The following CD1C variants were observed in gnomAD, a reference collection of about 807,000 sequenced individuals.
CD1C encodes T-cell surface glycoprotein CD1c.
CD1C carries 47 observed loss-of-function variants against 39.4 expected under a neutral mutation model. That is an observed-to-expected ratio of 1.19 (90% confidence interval 0.94 to 1.52). The LOEUF is 1.52. CD1C is among the 40% of genes most tolerant of loss of function. The pLI, the probability that CD1C is intolerant of heterozygous loss-of-function variation, is 0.00. For synonymous variants in CD1C, 165 were observed against 150.8 expected (o/e 1.09, Z -0.69); for missense variants, 417 against 395.2 (o/e 1.06, Z -0.47).
chr1:158,290,203 G>C, intron 1 of CD1C, 78 bp downstream of exon 1: 2 of 1,289,618 alleles, frequency 1.6e-6, no homozygotes, highest in East Asian at 2.3e-5. Flanking sequence ...TGGATCAATA[G>C]AGATGCCAGA....
Position 158,293,542 on chromosome 1 carries a change from G to A in CD1C, c.*66G>A, listed in dbSNP as rs755422244. 18 of 1,613,992 alleles carry A rather than the reference G, an allele frequency of 1.1e-5. No individual in the cohort carries two copies. Among genetic ancestry groups the A allele is most frequent in the Non-Finnish European group, 1.4e-5 (17 of 1,179,932 alleles). ...CAACCCAGGAGCCTAGTACAATATA[G>A]TGATGCCATCCCGTCGACTCTCCAT... is the stretch of plus-strand genomic sequence containing the variant. On this transcript the variant is annotated 3_prime_UTR_variant, in exon 6 of 6. Transcript: ENST00000368170.
chr1:158,290,449 G>C (rs1223387515), intron 1 of CD1C, among the ~76,000 whole-genome samples: 2 of 152,152 alleles, frequency 1.3e-5, no homozygotes, highest in Non-Finnish European at 2.9e-5. Flanking sequence ...GGTCCAGAGG[G>C]ATGAAGCAAC....
Position 158,289,984 on chromosome 1 carries a change from T to C in CD1C, c.-81T>C, listed in dbSNP as rs758578968. The C allele has an allele frequency of 2.3e-6, 3 of 1,286,684 alleles. No individual in the cohort carries two copies. Among genetic ancestry groups the C allele is most frequent in the African/African-American group, 2.9e-5 (2 of 68,512 alleles). The allele number at this position is 1,286,684 out of a possible 1,614,324, so 79.7% of individuals were successfully genotyped here. A position where few individuals can be genotyped will look rare whatever the true frequency, so the allele number is the denominator to read the frequency against. On this transcript the variant is annotated 5_prime_UTR_variant, in exon 1 of 6. Coordinates refer to ENST00000368170, the MANE Select transcript of CD1C (RefSeq NM_001765.3). ...GATTGTTGGTAGAAGGAAGTCAGAATATAGGTACAGAGGGATAAGTTTGCT... is the reference window on the plus strand; with the variant it reads ...GATTGTTGGTAGAAGGAAGTCAGAACATAGGTACAGAGGGATAAGTTTGCT...
chr1:158,293,646 C>T lies in CD1C; in HGVS notation c.*170C>T. ...TAATTTGGAATGTTTTTCTTGGAAT[C>T]TCCACTTTTTATATAGCACTCAACC... On this transcript the variant is annotated 3_prime_UTR_variant, in exon 6 of 6. Transcript: ENST00000368170. The T allele has an allele frequency of 6.6e-7, 1 of 1,510,874 alleles. No individual in the cohort carries two copies. Among genetic ancestry groups the T allele is most frequent in the Non-Finnish European group, 9.0e-7 (1 of 1,107,124 alleles). The allele number at this position is 1,510,874 out of a possible 1,614,324, so 93.6% of individuals were successfully genotyped here.
chr1:158,289,934 G>C lies in CD1C; in HGVS notation c.-131G>C. ...AGGTTGAGGGAAGCAGATCTTCTTA[G>C]TTGCTGTCAGCGGCTGATGGGGAAG... is the stretch of plus-strand genomic sequence containing the variant. On this transcript the variant is annotated 5_prime_UTR_variant, in exon 1 of 6. Coordinates refer to ENST00000368170, the MANE Select transcript of CD1C (RefSeq NM_001765.3). The C allele has an allele frequency of 1.4e-6, 1 of 737,072 alleles. No individual in the cohort carries two copies. The highest frequency in any genetic ancestry group is 2.3e-6 in the Non-Finnish European group (1 of 431,596). The allele number at this position is 737,072 out of a possible 1,614,324, so 45.7% of individuals were successfully genotyped here. A position where few individuals can be genotyped will look rare whatever the true frequency, so the allele number is the denominator to read the frequency against.
In CD1C at chr1:158,293,736, A is replaced by G. The variant is rs1220454129; in HGVS notation, c.*260A>G. On this transcript the variant is annotated 3_prime_UTR_variant, in exon 6 of 6. Transcript: ENST00000368170. ...TCCTTGACCCATACTGAACCCAGAG[A>G]GCCCCTCAACTGTTATGTGCATGCA... 1 of 737,072 alleles carries G rather than the reference A, an allele frequency of 1.4e-6. No homozygotes were observed. Among genetic ancestry groups the G allele is most frequent in the Non-Finnish European group, 2.2e-6 (1 of 450,942 alleles). 45.7% of individuals were successfully genotyped at this position (737,072 alleles called of 1,614,324 possible).
At chr1:158,291,550 A>C in intron 2 of CD1C, 150 bp downstream of exon 2, 1 of 801,968 alleles carries the variant, frequency 1.2e-6, no homozygotes. Flanking sequence ...CCTGATGTTG[A>C]CTCCCTCAAA....
intron 1 of CD1C, 47 bp from the exon 2 acceptor site, chr1:158,291,087 T>TC: frequency 6.5e-7 from 1 of 1,544,232 alleles, no homozygotes. Flanking sequence ...TCCTTGCCTC[T>TC]CTTTTTTTTT....
intron 1 of CD1C, among the ~76,000 whole-genome samples, 153 bp from the exon 2 acceptor site, chr1:158,290,981 A>C (rs1466718928): frequency 6.6e-6 from 1 of 152,146 alleles, no homozygotes; most frequent in East Asian, 1.9e-4. Context: ...GGATGGTGGC[A>C]GAGCATGGGG....
chr1:158,290,599 G>A (rs567265758), intron 1 of CD1C, among the ~76,000 whole-genome samples: 4 of 152,252 alleles, frequency 2.6e-5, no homozygotes, highest in African/African-American at 9.6e-5. Context: ...GAGAGATTGA[G>A]TAGGAGGCCT....
intron 5 of CD1C, 23 bp downstream of exon 5, chr1:158,293,325 TCTC>T: frequency 6.2e-7 from 1 of 1,600,946 alleles, no homozygotes; most frequent in Non-Finnish European, 8.6e-7. Flanking sequence ...TATTTCCTCC[TCTC>T]CTCCCAGTTT....
chr1:158,293,174 T>C, intron 4 of CD1C, 38 bp from the exon 5 acceptor site: 2 of 1,484,868 alleles, frequency 1.3e-6, no homozygotes. Context: ...CAGCAGTGAG[T>C]TTAAAATGGC....
In CD1C at chr1:158,291,187, C is replaced by A; in HGVS notation, c.115C>A (p.Gln39Lys). The change falls in exon 2 of 6, where the codon CAA (glutamine) becomes AAA (lysine). Residue 39 changes from glutamine (Q) to lysine (K), a missense_variant. By Grantham distance (53) the Gln-to-Lys change is moderately conservative (BLOSUM62 1). Coordinates refer to ENST00000368170, the MANE Select transcript of CD1C (RefSeq NM_001765.3). ...HVIQIFSFVN[Q>K]SWARGQGSGW... is the part of the protein sequence containing the mutation. ...CATCCAGATCTTCTCATTTGTCAAC[C>A]AATCCTGGGCACGAGGTCAGGGCTC... The A allele has an allele frequency of 6.2e-7, 1 of 1,613,862 alleles. No individual in the cohort carries two copies. Among genetic ancestry groups the A allele is most frequent in the Non-Finnish European group, 8.5e-7 (1 of 1,179,988 alleles).
intron 1 of CD1C, among the ~76,000 whole-genome samples, chr1:158,290,347 C>A (rs1650991381): frequency 6.6e-6 from 1 of 152,124 alleles, no homozygotes; most frequent in Admixed American, 6.6e-5. Context: ...GTAACTGGTT[C>A]AATTTCCATT....
Position 158,291,333 on chromosome 1 carries a change from A to G in CD1C, c.261A>G (p.Leu87=), listed in dbSNP as rs1296068103. The G allele has an allele frequency of 1.2e-6, 2 of 1,614,108 alleles. No individual in the cohort carries two copies. The highest frequency in any genetic ancestry group is 1.7e-6 in the Non-Finnish European group (2 of 1,180,006). Residue 87 remains leucine (L), a synonymous_variant, in exon 2 of 6, where the codon TTA becomes TTG. Coordinates refer to ENST00000368170, the MANE Select transcript of CD1C (RefSeq NM_001765.3). ...SNEELSDLEL[L]FRFYLFGLTR... Reference sequence around the variant, plus strand: ...AAGAGTTGTCAGACCTAGAGTTGTTATTTCGTTTCTACCTCTTTGGATTAA... The same window carrying G: ...AAGAGTTGTCAGACCTAGAGTTGTTGTTTCGTTTCTACCTCTTTGGATTAA...
In CD1C at chr1:158,290,010, A is replaced by G. The variant is rs1272218696; in HGVS notation, c.-55A>G. ...ATAGGTACAGAGGGATAAGTTTGCT[A>G]AGAACAGAGATCAGCAAACAGCTTT... On this transcript the variant is annotated 5_prime_UTR_variant, in exon 1 of 6. Transcript: ENST00000368170. The G allele has an allele frequency of 6.5e-7, 1 of 1,531,430 alleles. No individual in the cohort carries two copies. Among genetic ancestry groups the G allele is most frequent in the Non-Finnish European group, 9.0e-7 (1 of 1,105,086 alleles). The allele number at this position is 1,531,430 out of a possible 1,614,324, so 94.9% of individuals were successfully genotyped here.
chr1:158,291,452 G>A, intron 2 of CD1C, 52 bp downstream of exon 2: 1 of 1,571,652 alleles, frequency 6.4e-7, no homozygotes, highest in Non-Finnish European at 8.7e-7. Context: ...TCTATTTCAG[G>A]GAAATATTCT....
Position 158,292,588 on chromosome 1 carries a change from C to A in CD1C, c.611-8C>A. ...TCTTCATCAGAACACTTTTTCTGCT[C>A]TCTGCAGTGAGGCCAGAAGCCTGGC... On this transcript the variant is annotated splice_region_variant and splice_polypyrimidine_tract_variant and intron_variant, in intron 3 of 5. Transcript: ENST00000368170. 2 of 1,610,938 alleles carry A rather than the reference C, an allele frequency of 1.2e-6. No individual in the cohort carries two copies. Among genetic ancestry groups the A allele is most frequent in the South Asian group, 2.2e-5 (2 of 90,904 alleles).
Position 158,293,794 on chromosome 1 carries a change from T to C in CD1C, c.*318T>C, listed in dbSNP as rs1270786976. On this transcript the variant is annotated 3_prime_UTR_variant, in exon 6 of 6. Coordinates refer to ENST00000368170, the MANE Select transcript of CD1C (RefSeq NM_001765.3). ...CTACCCTGTGTTGCAGCTACTTGAG[T>C]CTTTCATTTCACATTTTTAAGCTTT... Among the ~76,000 whole-genome samples the C allele has an allele frequency of 6.6e-6, 1 of 151,986 alleles. No homozygotes were observed. Among genetic ancestry groups the C allele is most frequent in the African/African-American group, 2.4e-5 (1 of 41,358 alleles).
Sources: allele counts gnomAD v4.1 joint callset (sites outside exome capture counted in the v4.1 genomes callset), GRCh38; gene constraint gnomAD v4.1.1; transcripts MANE v1.5; gene names NCBI Gene and HGNC (gene_info 2026-07-23, HGNC 2026-07-21).